The following ALMS1 variants were observed in gnomAD, a reference collection of about 807,000 sequenced individuals.
ALMS1 encodes centrosome-associated protein ALMS1.
ALMS1 carries 271 observed loss-of-function variants against 352.2 expected under a neutral mutation model. That is an observed-to-expected ratio of 0.77 (90% CI 0.70 to 0.85). ALMS1 has a LOEUF of 0.85. Ranked by LOEUF, ALMS1 falls within the 40% of genes least tolerant of loss-of-function variation. ALMS1 has a pLI of 0.00. For synonymous variants in ALMS1, 1,865 were observed against 1,761.2 expected (o/e 1.06, Z -1.48); for missense variants, 5,445 against 4,870.7 (o/e 1.12, Z -3.51).
rs143169738 is a variant in ALMS1, at chr2:73,591,789, A to G, written c.11548-7612A>G. 2.3e-3 allele frequency among the ~76,000 whole-genome samples: 355 copies of G among 152,348 alleles called. 1 individual carries two copies. The highest frequency in any genetic ancestry group is 6.3e-3 in the African/African-American group (260 of 41,584). On this transcript the variant is annotated intron_variant, in intron 16 of 22. Transcript: ENST00000613296. ...GAATGCAAAGAATAAATAAATGTAT[A>G]GGGCTACTTCCAGGCTGTAGTTTTT...
intron 1 of ALMS1, among the ~76,000 whole-genome samples, chr2:73,390,234 A>AAAAAGCG (rs1342014549): frequency 2.0e-5 from 3 of 152,328 alleles, no homozygotes; most frequent in African/African-American, 7.2e-5. Flanking sequence ...TTACTGGCAT[A>AAAAAGCG]GGTTGGAAAG....
At chr2:73,555,073 A>G (rs13431267) in intron 13 of ALMS1, among the ~76,000 whole-genome samples, 46,307 of 152,030 alleles carry the variant, frequency 0.3, 8,608 homozygotes, top group African/African-American at 0.53. Flanking sequence ...CACTAAATTA[A>G]TTTCTAAATT....
chr2:73,557,321 A>G lies in ALMS1; in HGVS notation c.10180A>G (p.Lys3394Glu), dbSNP rs886056316. The G allele has an allele frequency of 6.8e-6, 11 of 1,614,192 alleles. No homozygotes were observed. The African/African-American group carries it at 9.3e-5, about 14-fold the overall frequency. Reference sequence around the variant, plus strand: ...GGCAGTGACTGAGGCTGCCCAGGCTAAAGAAAAAGAATCTTTGCAGAAAGA... The same window carrying G: ...GGCAGTGACTGAGGCTGCCCAGGCTGAAGAAAAAGAATCTTTGCAGAAAGA... ...TRAVTEAAQA[K>E]EKESLQKDTA... Residue 3394 changes from lysine to glutamate, a missense_variant, in exon 14 of 23, where the codon AAA becomes GAA. Physicochemically the swap from Lys to Glu is moderately conservative, Grantham distance 56. Transcript: ENST00000613296.
At chr2:73,426,284 CAA>C (rs1273065168) in intron 5 of ALMS1, among the ~76,000 whole-genome samples, 167 bp from the exon 6 acceptor site, 1 of 152,150 alleles carries the variant, frequency 6.6e-6, no homozygotes, top group Non-Finnish European at 1.5e-5. Context: ...GCATGTGATG[CAA>C]AGTCACAAGG....
intron 19 of ALMS1, 48 bp from the exon 20 acceptor site, chr2:73,602,137 G>C: frequency 5.8e-6 from 9 of 1,561,488 alleles, no homozygotes; most frequent in Non-Finnish European, 7.0e-6. Context: ...AGAGTAGATT[G>C]CATCATTAAT....
chr2:73,518,065 G>A (rs1289210447), intron 10 of ALMS1, among the ~76,000 whole-genome samples: 2 of 151,292 alleles, frequency 1.3e-5, no homozygotes, highest in African/African-American at 2.4e-5. Context: ...CATCACCCAG[G>A]TACTAAGCGT....
rs554746330 is a variant in ALMS1, at chr2:73,455,148, T to C, written c.7541-14T>C. ...TTTGCATTGTATTATCTCAAGTGTA[T>C]GCTTTCTCTCCAGCCTGGAATATGA... On this transcript the variant is annotated splice_polypyrimidine_tract_variant and intron_variant, in intron 8 of 22. Coordinates refer to ENST00000613296, the MANE Select transcript of ALMS1 (RefSeq NM_001378454.1). 13 of 1,612,900 alleles carry C rather than the reference T, an allele frequency of 8.1e-6. No individual in the cohort carries two copies. The African/African-American group carries it at 1.5e-4, about 18-fold the overall frequency.
intron 16 of ALMS1, among the ~76,000 whole-genome samples, chr2:73,588,045 A>G (rs1430529812): frequency 6.6e-6 from 1 of 152,244 alleles, no homozygotes; most frequent in African/African-American, 2.4e-5. Context: ...GCTAACAAAA[A>G]AAAGTCCAGG....
intron 1 of ALMS1, among the ~76,000 whole-genome samples, chr2:73,395,984 T>C (rs117496052): frequency 6.6e-6 from 1 of 152,230 alleles, no homozygotes; most frequent in East Asian, 1.9e-4. Flanking sequence ...TGCAAAAATA[T>C]AATGTTTTAA....
chr2:73,571,623 G>A (rs1326458844), intron 15 of ALMS1, among the ~76,000 whole-genome samples: 3 of 152,020 alleles, frequency 2.0e-5, no homozygotes, highest in Admixed American at 6.6e-5. Flanking sequence ...TTAGAGGGAC[G>A]CAAACATTCA....
At chr2:73,503,222 A>G (rs1232736014) in intron 10 of ALMS1, among the ~76,000 whole-genome samples, 1 of 151,970 alleles carries the variant, frequency 6.6e-6, no homozygotes, top group Admixed American at 6.6e-5. Context: ...AGCATTAGGT[A>G]TATCTCCTAA....
At chr2:73,481,833 G>A (rs1304444012) in intron 9 of ALMS1, among the ~76,000 whole-genome samples, 4 of 150,974 alleles carry the variant, frequency 2.6e-5, no homozygotes, top group African/African-American at 4.9e-5. Context: ...TATTCTCTTT[G>A]AAGCAATTGT....
intron 6 of ALMS1, among the ~76,000 whole-genome samples, chr2:73,427,286 G>A (rs1490926356): frequency 6.6e-6 from 1 of 152,128 alleles, no homozygotes; most frequent in Non-Finnish European, 1.5e-5. Flanking sequence ...AAAATTGTAA[G>A]ACCCATGTTT....
intron 21 of ALMS1, chr2:73,603,657 C>T (rs1375989611): frequency 1.0e-5 from 3 of 289,462 alleles, no homozygotes; most frequent in South Asian, 3.4e-5. Flanking sequence ...GTTAGGAGTT[C>T]GAGACCAGCC....
intron 9 of ALMS1, 142 bp from the exon 10 acceptor site, chr2:73,489,492 T>C (rs1572968582): frequency 1.1e-6 from 1 of 947,166 alleles, no homozygotes; most frequent in Non-Finnish European, 1.6e-6. Context: ...GCTGTGCTCT[T>C]TGTCCTGTTA....
intron 9 of ALMS1, among the ~76,000 whole-genome samples, chr2:73,461,808 GCAGAAGCCT>G (rs1185215222): frequency 6.6e-6 from 1 of 152,182 alleles, no homozygotes; most frequent in African/African-American, 2.4e-5. Context: ...TGTGAAGAAT[GCAGAAGCCT>G]CAGGAGCTGA....
chr2:73,417,681 T>C (rs1013096069), intron 2 of ALMS1, among the ~76,000 whole-genome samples: 2 of 151,952 alleles, frequency 1.3e-5, no homozygotes, highest in African/African-American at 4.8e-5. Context: ...AAAAAAAAAA[T>C]TATTGCTATC....
At chr2:73,425,674 A>G (rs561513358) in intron 5 of ALMS1, among the ~76,000 whole-genome samples, 103 of 152,318 alleles carry the variant, frequency 6.8e-4, no homozygotes, top group Non-Finnish European at 1.0e-3. Context: ...TTAACAGATG[A>G]CAGCCGAGAG....
At chr2:73,542,834 A>G (rs1674219531) in intron 12 of ALMS1, among the ~76,000 whole-genome samples, 1 of 152,070 alleles carries the variant, frequency 6.6e-6, no homozygotes, top group Non-Finnish European at 1.5e-5. Flanking sequence ...TTCAAGGAGA[A>G]CTACAAACCA....
Sources: allele counts gnomAD v4.1 joint callset (sites outside exome capture counted in the v4.1 genomes callset), GRCh38; gene constraint gnomAD v4.1.1; transcripts MANE v1.5; gene names NCBI Gene and HGNC (gene_info 2026-07-23, HGNC 2026-07-21).